Variants in PM20D2 observed in about 807,000 individuals in gnomAD.
PM20D2 encodes the protein xaa-Arg dipeptidase.
In PM20D2, 33 loss-of-function variants were observed where a neutral mutation model predicts 42.9. The observed-to-expected ratio is 0.77, with a 90% CI of 0.58 to 1.03. The LOEUF (loss-of-function observed/expected upper bound fraction) is 1.03, where lower values mean the gene tolerates loss of function less well. Ranked by LOEUF, PM20D2 falls within the 50% of genes least tolerant of loss-of-function variation. The pLI is 0.00. For synonymous variants in PM20D2, 250 were observed against 228.2 expected, an observed-to-expected ratio of 1.10 and a Z score of -0.86; for missense variants, 548 against 557.0, an observed-to-expected ratio of 0.98 and a Z score of 0.16.
rs772500203 is a variant in PM20D2 at position 89,146,384 on chromosome 6, C to G, written c.240C>G (p.His80Gln). Residue 80 changes from histidine (H) to glutamine (Q), a missense_variant, in exon 1 of 7, where the codon CAC becomes CAG. By Grantham distance (24) the His-to-Gln change is conservative. Coordinates refer to ENST00000275072, the MANE Select transcript of PM20D2 (RefSeq NM_001010853.3). ...PPAASWAVQP[H>Q]YQLPTAFRAE... ...CGGCCTCCTGGGCAGTGCAGCCGCA[C>G]TACCAGCTGCCCACGGCCTTCCGCG... 28 of 1,534,646 alleles carry G rather than the reference C, an allele frequency of 1.8e-5. No individual in the cohort carries two copies. Among genetic ancestry groups the G allele is most frequent in the Non-Finnish European group, 2.4e-5 (27 of 1,148,260 alleles).
At chr6:89,124,736 G>GTTT in the PM20D2 span, among the ~76,000 whole-genome samples, 62 of 108,460 alleles carry the variant, frequency 5.7e-4, 1 homozygote, top group East Asian at 0.012. Context: ...TGCTGTTGTT[G>GTTT]TTTTTTTTTT....
At chr6:89,099,345 C>T in the PM20D2 span, among the ~76,000 whole-genome samples, 1 of 149,966 alleles carries the variant, frequency 6.7e-6, no homozygotes, top group Admixed American at 6.7e-5. Context: ...CCTGCCATGA[C>T]AGAACAGCTT....
At chr6:89,123,329 A>G in the PM20D2 span, among the ~76,000 whole-genome samples, 1 of 152,038 alleles carries the variant, frequency 6.6e-6, no homozygotes, top group African/African-American at 2.4e-5. Flanking sequence ...TTTTTGCCAT[A>G]ATGATGTACT....
chr6:89,138,464 C>A, the PM20D2 span, among the ~76,000 whole-genome samples: 7 of 151,792 alleles, frequency 4.6e-5, no homozygotes, highest in African/African-American at 1.7e-4. Flanking sequence ...AAATGGCATT[C>A]TAGGTTTTTG....
At chr6:89,104,222 CCTTTTTTT>C in the PM20D2 span, among the ~76,000 whole-genome samples, 1 of 77,726 alleles carries the variant, frequency 1.3e-5, no homozygotes, top group Admixed American at 1.4e-4. Flanking sequence ...AAACTCATCA[CCTTTTTTT>C]TTTTTTTTTT....
the PM20D2 span, among the ~76,000 whole-genome samples, chr6:89,117,103 A>G: frequency 2.6e-5 from 4 of 152,092 alleles, no homozygotes; most frequent in Non-Finnish European, 5.9e-5. Flanking sequence ...ATTCCTTAGT[A>G]TCTGTGTTCA....
the PM20D2 span, chr6:89,117,907 T>G: frequency 1.3e-6 from 2 of 1,556,454 alleles, no homozygotes; most frequent in South Asian, 2.3e-5. Flanking sequence ...CTCCGTTCCC[T>G]CCGGGTCTGC....
chr6:89,145,101 A>G (rs1022153526), upstream of PM20D2, among the ~76,000 whole-genome samples: 6 of 152,240 alleles, frequency 3.9e-5, no homozygotes, highest in African/African-American at 1.4e-4. Flanking sequence ...ATAGGGTATG[A>G]AGAGCTGATA....
rs768152370 is a variant in PM20D2, at chr6:89,162,321, CTT to C, written c.*61_*62del. The C allele has an allele frequency of 1.2e-5, 18 of 1,499,230 alleles. No individual in the cohort carries two copies. Among genetic ancestry groups the C allele is most frequent in the Non-Finnish European group, 1.6e-5 (18 of 1,107,134 alleles). The allele number at this position is 1,499,230 out of a possible 1,614,324, so 92.9% of individuals were successfully genotyped here. On this transcript the variant is annotated 3_prime_UTR_variant, in exon 7 of 7. Coordinates refer to ENST00000275072, the MANE Select transcript of PM20D2 (RefSeq NM_001010853.3). ...CGTGATGATTTTTTTCTTTTAATCT[CTT>C]TTAATGAAGGCATGCTTGTTTTTTA...
the PM20D2 span, among the ~76,000 whole-genome samples, chr6:89,114,869 T>G: frequency 2.0e-5 from 3 of 152,114 alleles, no homozygotes; most frequent in Non-Finnish European, 4.4e-5. Flanking sequence ...CTATCTCGGC[T>G]CACTGCAACC....
At chr6:89,128,040 A>G in the PM20D2 span, among the ~76,000 whole-genome samples, 2 of 152,216 alleles carry the variant, frequency 1.3e-5, no homozygotes, top group Admixed American at 6.5e-5. Flanking sequence ...ATATGAAATC[A>G]GTGCACCTTG....
chr6:89,135,391 A>T, the PM20D2 span, among the ~76,000 whole-genome samples: 9 of 151,170 alleles, frequency 6.0e-5, no homozygotes, highest in Admixed American at 5.9e-4. Flanking sequence ...TTTTAGGATT[A>T]TCGTCAAATT....
At chr6:89,138,144 A>C in the PM20D2 span, among the ~76,000 whole-genome samples, 3 of 151,534 alleles carry the variant, frequency 2.0e-5, no homozygotes, top group Non-Finnish European at 4.4e-5. Flanking sequence ...GGCTGGTCTT[A>C]AAACTCCTAA....
chr6:89,158,510 C>T (rs1339752207), intron 5 of PM20D2, 50 bp downstream of exon 5: 2 of 1,570,540 alleles, frequency 1.3e-6, no homozygotes, highest in East Asian at 2.3e-5. Context: ...AGAGAAATAC[C>T]ATCTTTGGTT....
chr6:89,131,552 G>T, the PM20D2 span, among the ~76,000 whole-genome samples: 1 of 151,798 alleles, frequency 6.6e-6, no homozygotes, highest in Non-Finnish European at 1.5e-5. Context: ...ATAATTAATT[G>T]AACCTATCCT....
the PM20D2 span, chr6:89,105,420 C>A: frequency 6.3e-7 from 1 of 1,594,944 alleles, no homozygotes; most frequent in Non-Finnish European, 8.5e-7. Flanking sequence ...CATTCAGTCA[C>A]ACTTACTTTT....
intron 2 of PM20D2, among the ~76,000 whole-genome samples, chr6:89,150,940 G>A (rs1442950661): frequency 6.6e-6 from 1 of 151,606 alleles, no homozygotes; most frequent in Admixed American, 6.6e-5. Context: ...GATCACCTGA[G>A]GTTAGGAGTT....
At chr6:89,129,386 A>T in the PM20D2 span, among the ~76,000 whole-genome samples, 2 of 152,200 alleles carry the variant, frequency 1.3e-5, no homozygotes, top group South Asian at 4.1e-4. Flanking sequence ...TGGGAGGCCA[A>T]CGCAGGAGGA....
At chr6:89,118,516 C>G in the PM20D2 span, among the ~76,000 whole-genome samples, 16 of 152,188 alleles carry the variant, frequency 1.1e-4, no homozygotes, top group Admixed American at 5.2e-4. Flanking sequence ...GACGGGGTCT[C>G]GCTGTGTTGC....
Sources: gnomAD v4.1 joint callset for allele counts (sites outside exome capture counted in the v4.1 genomes callset) on GRCh38, gnomAD v4.1.1 for gene constraint, MANE v1.5 for transcripts, NCBI Gene and HGNC (gene_info 2026-07-23, HGNC 2026-07-21) for gene names.